CRTC1: variants seen among roughly 807,000 people sequenced by gnomAD.
CRTC1 encodes the protein CREB-regulated transcription coactivator 1.
In CRTC1, 18 loss-of-function variants were observed where a neutral mutation model predicts 66.1. The observed-to-expected ratio is 0.27, with a 90% confidence interval of 0.19 to 0.40. The LOEUF (loss-of-function observed/expected upper bound fraction) is 0.40. Ranked by LOEUF, CRTC1 falls within the 10% of genes least tolerant of loss-of-function variation. The pLI is 1.00. For synonymous variants in CRTC1, 416 were observed against 398.8 expected (o/e 1.04, Z -0.51); for missense variants, 669 against 887.9 (o/e 0.75, Z 3.13).
chr19:18,692,098 C>T (rs2052855734), intron 1 of CRTC1, among the ~76,000 whole-genome samples: 1 of 152,148 alleles, frequency 6.6e-6, no homozygotes, highest in Non-Finnish European at 1.5e-5. Context: ...CCTGATCCTC[C>T]ACCCCAGGCC....
At chr19:18,739,075 C>T (rs1339953784) in intron 1 of CRTC1, among the ~76,000 whole-genome samples, 1 of 152,234 alleles carries the variant, frequency 6.6e-6, no homozygotes, top group East Asian at 1.9e-4. Flanking sequence ...GCAGCCAGGA[C>T]CAGATGCCCA....
In CRTC1 at chr19:18,740,780, G is replaced by A. The variant is rs544340299; in HGVS notation, c.127-2130G>A. Among the ~76,000 whole-genome samples, 648 of 152,174 alleles carry A rather than the reference G, an allele frequency of 4.3e-3. 10 individuals carry two copies. The highest frequency in any genetic ancestry group is 0.015 in the African/African-American group (610 of 41,506). ...ACACTTTGGGAGGCCGAGGCGGGTGGATCACTTGAGGTCAGGAGTTTGAGA... is the reference window on the plus strand; with the variant it reads ...ACACTTTGGGAGGCCGAGGCGGGTGAATCACTTGAGGTCAGGAGTTTGAGA... On this transcript the variant is annotated intron_variant, in intron 1 of 13. Transcript: ENST00000321949.
Position 18,777,299 on chromosome 19 carries a change from G to C in CRTC1, c.1822G>C (p.Asp608His). 1 of 1,611,918 alleles carries C rather than the reference G, an allele frequency of 6.2e-7. No homozygotes were observed. Residue 608 changes from aspartate to histidine, a missense_variant, in exon 14 of 14, where the codon GAC becomes CAC. Around this residue, in one of 8 missense-constraint regions of CRTC1, gnomAD observed 91 missense variants for 99.1 expected, o/e 0.92. Coordinates refer to ENST00000321949, the MANE Select transcript of CRTC1 (RefSeq NM_015321.3). The surrounding 1 kb of genome is among the most constrained non-coding windows in gnomAD (Gnocchi z 5.5). ...DELKIDPLTL[D>H]GLHMLNDPDM... ...ACTCAAGATCGACCCCCTGACCCTC[G>C]ACGGACTGCACATGCTCAACGACCC...
rs756920553 is a variant in CRTC1 at position 18,769,808 on chromosome 19, C to T, written c.1320+1015C>T. On this transcript the variant is annotated intron_variant, in intron 10 of 13. Transcript: ENST00000321949. ...GTCCAGCACCCTCACACAACAAAGACGGCTTCCTGCCCCCACTTCAAGGAC... is the reference window on the plus strand; with the variant it reads ...GTCCAGCACCCTCACACAACAAAGATGGCTTCCTGCCCCCACTTCAAGGAC... 7.2e-4 allele frequency among the ~76,000 whole-genome samples: 110 copies of T among 152,264 alleles called. 1 individual carries two copies. Among genetic ancestry groups the T allele is most frequent in the African/African-American group, 1.6e-3 (67 of 41,570 alleles).
chr19:18,718,777 G>T (rs1164419998), intron 1 of CRTC1, among the ~76,000 whole-genome samples: 1 of 152,130 alleles, frequency 6.6e-6, no homozygotes, highest in East Asian at 1.9e-4. Flanking sequence ...ACTCATGTAT[G>T]ATTGTCTTCA....
rs903948333 is a variant in CRTC1, at chr19:18,768,740, C to G, written c.1267C>G (p.Gln423Glu). 3.8e-6 allele frequency: 6 copies of G among 1,599,746 alleles called. No individual in the cohort carries two copies. The highest frequency in any genetic ancestry group is 2.3e-5 in the East Asian group (1 of 44,106). The change falls in exon 10 of 14, where the codon CAG becomes GAG. Residue 423 changes from glutamine (Q) to glutamate (E), a missense_variant. Transcript: ENST00000321949. This position sits in a 1 kb window ranked among gnomAD's most constrained non-coding sequence, Gnocchi z 5.6. ...AGTCACGGTACCGTCCTCTCTCCCCCAGTCCCCCCCAGAGAACCCTGGCCA... is the reference window on the plus strand; with the variant it reads ...AGTCACGGTACCGTCCTCTCTCCCCGAGTCCCCCCCAGAGAACCCTGGCCA... ...LAVTVPSSLP[Q>E]SPPENPGQPS...
Position 18,745,503 on chromosome 19 carries a change from C to T in CRTC1, c.244-320C>T, listed in dbSNP as rs533714345. ...GACTGGGGAGGAGGGCTGCCTAGGCCGGCTACATCCCTGGCACCCGGCGGG... is the reference window on the plus strand; with the variant it reads ...GACTGGGGAGGAGGGCTGCCTAGGCTGGCTACATCCCTGGCACCCGGCGGG... On this transcript the variant is annotated intron_variant, in intron 2 of 13. Transcript: ENST00000321949. Among the ~76,000 whole-genome samples, 11 of 152,294 alleles carry T rather than the reference C, an allele frequency of 7.2e-5. No homozygotes were observed. The South Asian group carries it at 1.9e-3, about 26-fold the overall frequency.
intron 1 of CRTC1, among the ~76,000 whole-genome samples, chr19:18,711,973 G>A (rs537838715): frequency 6.6e-6 from 1 of 152,140 alleles, no homozygotes; most frequent in African/African-American, 2.4e-5. Flanking sequence ...TTTTGAGACA[G>A]GGTCTTGCTC....
rs146235732 is a variant in CRTC1, at chr19:18,723,706, G to C, written c.127-19204G>C. Among the ~76,000 whole-genome samples, 655 of 152,342 alleles carry C rather than the reference G, an allele frequency of 4.3e-3. 6 individuals carry two copies. The highest frequency in any genetic ancestry group is 0.014 in the African/African-American group (599 of 41,578). On this transcript the variant is annotated intron_variant, in intron 1 of 13. Coordinates refer to ENST00000321949, the MANE Select transcript of CRTC1 (RefSeq NM_015321.3). ...ATTTCTGCCTGATTGCCATTTGTCT[G>C]GGGCCTGGAGAGGGAGCCTTAGCTA...
chr19:18,724,136 G>A (rs899376025), intron 1 of CRTC1, among the ~76,000 whole-genome samples: 1 of 152,140 alleles, frequency 6.6e-6, no homozygotes. Flanking sequence ...CCGGCGGGGC[G>A]GACAGGCTCC....
chr19:18,779,847 G>A lies in CRTC1; in HGVS notation c.*2465G>A, dbSNP rs1314871358. The A allele has an allele frequency of 8.8e-6, 2 of 227,674 alleles. No individual in the cohort carries two copies. Among genetic ancestry groups the A allele is most frequent in the Non-Finnish European group, 1.7e-5 (2 of 114,798 alleles). The allele number at this position is 227,674 out of a possible 1,614,324, so 14.1% of individuals were successfully genotyped here. On this transcript the variant is annotated 3_prime_UTR_variant, in exon 14 of 14. Transcript: ENST00000321949. The stretch of plus-strand genomic sequence containing the variant: ...GGTGGACCGAGGTCCGAGCTTGCCA[G>A]GGACAGTGGGGCCCACGCGAGTACC...
intron 11 of CRTC1, among the ~76,000 whole-genome samples, chr19:18,773,857 C>T (rs2054924920): frequency 6.6e-6 from 1 of 152,104 alleles, no homozygotes; most frequent in Admixed American, 6.5e-5. Flanking sequence ...GGGTTTGTGG[C>T]CGGCCCCTCT....
chr19:18,749,738 G>A (rs777341732), intron 4 of CRTC1, 43 bp from the exon 5 acceptor site: 8 of 1,523,670 alleles, frequency 5.3e-6, no homozygotes, highest in African/African-American at 1.4e-5. Flanking sequence ...CGCATTGTCT[G>A]CCTTGGGCTG....
At chr19:18,759,143 C>T (rs947664333) in intron 6 of CRTC1, among the ~76,000 whole-genome samples, 3 of 152,160 alleles carry the variant, frequency 2.0e-5, no homozygotes, top group East Asian at 1.9e-4. Context: ...GTTGAGGCTG[C>T]GGCGAGCTGT....
chr19:18,693,369 A>G (rs1429984977), intron 1 of CRTC1, among the ~76,000 whole-genome samples: 1 of 143,038 alleles, frequency 7.0e-6, no homozygotes, highest in Non-Finnish European at 1.5e-5. Context: ...AGCCTGGGTG[A>G]CAGAGTGAGA....
chr19:18,771,425 T>C lies in CRTC1; in HGVS notation c.1321-17T>C. On this transcript the variant is annotated splice_polypyrimidine_tract_variant and intron_variant, in intron 10 of 13. Coordinates refer to ENST00000321949, the MANE Select transcript of CRTC1 (RefSeq NM_015321.3). The surrounding 1 kb of genome is among the most constrained non-coding windows in gnomAD (Gnocchi z 4.6). ...GGGCAGCTGGGCTGCGGCGTGCTGATCTGTCTGTCATCGCAGGCGCCGGCT... is the reference window on the plus strand; with the variant it reads ...GGGCAGCTGGGCTGCGGCGTGCTGACCTGTCTGTCATCGCAGGCGCCGGCT... 6.2e-7 allele frequency: 1 copy of C among 1,606,604 alleles called. No individual in the cohort carries two copies. Among genetic ancestry groups the C allele is most frequent in the Non-Finnish European group, 8.5e-7 (1 of 1,176,332 alleles).
chr19:18,772,584 T>A (rs2054894437), intron 11 of CRTC1, among the ~76,000 whole-genome samples: 1 of 152,160 alleles, frequency 6.6e-6, no homozygotes, highest in Admixed American at 6.5e-5. Flanking sequence ...GGCTCCCTTG[T>A]CCCAGGGCAA....
intron 1 of CRTC1, among the ~76,000 whole-genome samples, chr19:18,722,416 G>T (rs1024441468): frequency 1.3e-5 from 2 of 152,190 alleles, no homozygotes; most frequent in Non-Finnish European, 2.9e-5. Context: ...GTCTTTGGGG[G>T]TGTGATGAAG....
At chr19:18,715,218 T>C (rs1448231006) in intron 1 of CRTC1, among the ~76,000 whole-genome samples, 1 of 152,120 alleles carries the variant, frequency 6.6e-6, no homozygotes, top group African/African-American at 2.4e-5. Flanking sequence ...TGCATCTCTT[T>C]CCCCTTCTCC....
Sources: allele counts gnomAD v4.1 joint callset (sites outside exome capture counted in the v4.1 genomes callset), GRCh38; gene constraint gnomAD v4.1.1; regional missense constraint gnomAD v4.1.1; non-coding constraint Gnocchi (gnomAD v3.1); transcripts MANE v1.5; gene names NCBI Gene and HGNC (gene_info 2026-07-23, HGNC 2026-07-21).